The following DLG2 variants were observed in gnomAD, a reference collection of about 807,000 sequenced individuals.
DLG2 encodes discs large MAGUK scaffold protein 2.
A neutral mutation model predicts 132.5 loss-of-function variants in DLG2; 45 were observed. The ratio of observed to expected loss-of-function variants is 0.34; its 90% CI spans 0.27 to 0.44. The LOEUF is 0.44. Ranked by LOEUF, DLG2 falls within the 20% of genes least tolerant of loss-of-function variation. DLG2 has a pLI of 1.00. For missense variants in DLG2, 1,045 were observed against 1,196.9 expected (o/e 0.87, Z 1.87); for synonymous variants, 424 against 419.6 (o/e 1.01, Z -0.13).
chr11:83,683,107 G>C (rs1423290688), intron 18 of DLG2, among the ~76,000 whole-genome samples: 1 of 152,194 alleles, frequency 6.6e-6, no homozygotes, highest in Admixed American at 6.5e-5. Flanking sequence ...AGCAGTGCCT[G>C]AGCTTTTTGT....
chr11:83,817,647 G>A (rs1478609812), intron 17 of DLG2, among the ~76,000 whole-genome samples: 1 of 152,134 alleles, frequency 6.6e-6, no homozygotes, highest in Non-Finnish European at 1.5e-5. Flanking sequence ...GGCTGAGGTG[G>A]GAGGACTGCT....
intron 9 of DLG2, among the ~76,000 whole-genome samples, chr11:84,137,033 T>C (rs1294899836): frequency 2.0e-5 from 3 of 152,028 alleles, no homozygotes; most frequent in Non-Finnish European, 4.4e-5. Context: ...TCTAACCAGA[T>C]TGTGGTCCCA....
At chr11:83,998,438 C>T (rs1240337727) in intron 11 of DLG2, among the ~76,000 whole-genome samples, 1 of 152,034 alleles carries the variant, frequency 6.6e-6, no homozygotes, top group Non-Finnish European at 1.5e-5. Flanking sequence ...AGAGAAAATA[C>T]TGGAATGTAA....
At chr11:84,555,384 G>T (rs1229698945) in intron 6 of DLG2, among the ~76,000 whole-genome samples, 1 of 152,252 alleles carries the variant, frequency 6.6e-6, no homozygotes, top group East Asian at 1.9e-4. Context: ...CTAAGAGGTA[G>T]AAGCAACCCA....
chr11:85,453,288 G>C (rs1172848974), intron 3 of DLG2: 3 of 288,034 alleles, frequency 1.0e-5, no homozygotes, highest in Non-Finnish European at 2.1e-5. Context: ...GAATTAATAT[G>C]AATCTCTTTG....
intron 17 of DLG2, among the ~76,000 whole-genome samples, chr11:83,823,032 T>C (rs1373358025): frequency 6.6e-6 from 1 of 152,142 alleles, no homozygotes; most frequent in African/African-American, 2.4e-5. Context: ...GAAGGTACCC[T>C]ATGAGGATCA....
intron 18 of DLG2, among the ~76,000 whole-genome samples, chr11:83,728,611 C>G (rs561078896): frequency 2.0e-5 from 3 of 152,208 alleles, no homozygotes; most frequent in Non-Finnish European, 4.4e-5. Context: ...ACTGGTATGA[C>G]CCAACATAGC....
intron 11 of DLG2, among the ~76,000 whole-genome samples, chr11:84,002,930 A>C (rs936713690): frequency 2.0e-5 from 3 of 152,150 alleles, no homozygotes; most frequent in African/African-American, 7.2e-5. Flanking sequence ...TTATAAACTT[A>C]AGTTCCAATT....
intron 6 of DLG2, among the ~76,000 whole-genome samples, chr11:84,757,997 CT>C (rs1198206392): frequency 6.6e-6 from 1 of 152,148 alleles, no homozygotes; most frequent in African/African-American, 2.4e-5. Flanking sequence ...TTAAAAGTAT[CT>C]GAGGAATAAT....
intron 6 of DLG2, among the ~76,000 whole-genome samples, chr11:84,628,107 C>CATAT (rs35268909): frequency 0.012 from 1,728 of 149,978 alleles, 16 homozygotes; most frequent in South Asian, 0.024. Flanking sequence ...TATATACACA[C>CATAT]ATATATATAT....
intron 6 of DLG2, among the ~76,000 whole-genome samples, chr11:84,722,211 CTT>C (rs1387555251): frequency 6.6e-6 from 1 of 152,180 alleles, no homozygotes; most frequent in Non-Finnish European, 1.5e-5. Flanking sequence ...TTCCAAGACA[CTT>C]AACAATTTGG....
intron 6 of DLG2, among the ~76,000 whole-genome samples, chr11:85,096,556 C>G (rs1184715783): frequency 6.6e-6 from 1 of 151,690 alleles, no homozygotes; most frequent in Non-Finnish European, 1.5e-5. Context: ...TCTTTAAGAG[C>G]TGTAACACTC....
At position 85,419,863 on chromosome 11, in the gene DLG2, C is replaced by T. The variant is rs1357060938; in HGVS notation, c.41-134498G>A. ...TTTTTCAAAGTTCTTAGCTTCCTTG[C>T]ATTGGGTTAGAACATGCTCCTTTAG... is the stretch of plus-strand genomic sequence containing the variant. On this transcript the variant is annotated intron_variant, in intron 3 of 27. Transcript: ENST00000376104. Among the ~76,000 whole-genome samples the T allele has an allele frequency of 2.0e-5, 3 of 152,168 alleles. No homozygotes were observed. The East Asian group carries it at 5.8e-4, about 29-fold the overall frequency.
At chr11:85,403,257 C>G (rs1451362618) in intron 3 of DLG2, among the ~76,000 whole-genome samples, 1 of 152,072 alleles carries the variant, frequency 6.6e-6, no homozygotes, top group Admixed American at 6.6e-5. Flanking sequence ...AAACCAAACA[C>G]CGCATATTCA....
chr11:84,612,489 A>C (rs961236367), intron 6 of DLG2, among the ~76,000 whole-genome samples: 2 of 152,202 alleles, frequency 1.3e-5, no homozygotes, highest in Non-Finnish European at 1.5e-5. Context: ...GATAACGTTC[A>C]TGATGGCTAG....
At chr11:84,559,509 T>A (rs190257394) in intron 6 of DLG2, among the ~76,000 whole-genome samples, 1 of 152,168 alleles carries the variant, frequency 6.6e-6, no homozygotes, top group Non-Finnish European at 1.5e-5. Context: ...ATAAAATATT[T>A]TTTTCAGCAA....
intron 17 of DLG2, among the ~76,000 whole-genome samples, chr11:83,819,496 G>A (rs200362690): frequency 0.018 from 1,637 of 93,308 alleles, 16 homozygotes; most frequent in Non-Finnish European, 0.019. Context: ...AAAAAAAGAA[G>A]AAAAGAAAAA....
rs2099604730 is a variant in DLG2, at chr11:84,616,541, C to T, written c.358-81810G>A. Among the ~76,000 whole-genome samples the T allele has an allele frequency of 2.6e-5, 4 of 152,010 alleles. No homozygotes were observed. The South Asian group carries it at 8.3e-4, about 32-fold the overall frequency. On this transcript the variant is annotated intron_variant, in intron 6 of 27. Coordinates refer to ENST00000376104, the MANE Select transcript of DLG2 (RefSeq NM_001142699.3). ...TCCAGTAGAATAATTTAATTGAAGC[C>T]TCTCATAAAATCTCACAGTGATGAT...
chr11:84,004,735 C>T (rs1204581020), intron 11 of DLG2, among the ~76,000 whole-genome samples: 3 of 151,838 alleles, frequency 2.0e-5, no homozygotes, highest in Non-Finnish European at 2.9e-5. Flanking sequence ...AGGGAAAGAT[C>T]TCTACAAGGA....
Sources: allele counts gnomAD v4.1 joint callset (sites outside exome capture counted in the v4.1 genomes callset), GRCh38; gene constraint gnomAD v4.1.1; transcripts MANE v1.5; gene names NCBI Gene and HGNC (gene_info 2026-07-23, HGNC 2026-07-21).